The following LCORL variants were observed in gnomAD, a reference collection of about 807,000 sequenced individuals.
LCORL encodes the protein ligand dependent nuclear receptor corepressor like, also known as ligand-dependent nuclear receptor corepressor-like protein.
A neutral mutation model predicts 141.8 loss-of-function variants in LCORL; 41 were observed. The observed-to-expected ratio is 0.29, with a 90% CI of 0.23 to 0.38. The LOEUF is 0.38. Among genes scored for constraint, LCORL ranks in the 10% least tolerant of loss-of-function variants. The pLI is 1.00. For synonymous variants in LCORL, 618 were observed against 694.1 expected (o/e 0.89, Z 1.72); for missense variants, 1,759 against 2,035.0 (o/e 0.86, Z 2.61).
chr4:17,971,294 G>A (rs953592969), intron 2 of LCORL, among the ~76,000 whole-genome samples: 5 of 151,814 alleles, frequency 3.3e-5, no homozygotes, highest in Admixed American at 6.6e-5. Context: ...TACAAAAATA[G>A]AATGAGTCAA....
intron 7 of LCORL, among the ~76,000 whole-genome samples, chr4:17,849,195 C>A (rs2109093979): frequency 6.6e-6 from 1 of 152,336 alleles, no homozygotes; most frequent in Middle Eastern, 3.4e-3. Flanking sequence ...TCCCAGCATG[C>A]AGCTGGAGAT....
At chr4:17,994,383 G>A (rs1282848738) in intron 1 of LCORL, among the ~76,000 whole-genome samples, 1 of 152,006 alleles carries the variant, frequency 6.6e-6, no homozygotes, top group African/African-American at 2.4e-5. Flanking sequence ...ATAAAATGTG[G>A]ATACTTCAGG....
intron 1 of LCORL, among the ~76,000 whole-genome samples, chr4:18,008,447 A>G (rs1004243705): frequency 6.6e-6 from 1 of 152,220 alleles, no homozygotes; most frequent in Non-Finnish European, 1.5e-5. Flanking sequence ...CAGCACTACT[A>G]AAGTTTTAGA....
chr4:17,988,730 TA>T (rs1719459605), intron 1 of LCORL, among the ~76,000 whole-genome samples: 1 of 152,240 alleles, frequency 6.6e-6, no homozygotes, highest in Admixed American at 6.5e-5. Context: ...CTCACGCCTG[TA>T]ATCCCAGCAC....
At chr4:17,977,498 T>A (rs937593677) in intron 1 of LCORL, among the ~76,000 whole-genome samples, 1 of 152,194 alleles carries the variant, frequency 6.6e-6, no homozygotes, top group African/African-American at 2.4e-5. Context: ...TGTCTTCATG[T>A]CTCCACGTGG....
At chr4:17,880,611 CTT>C (rs1301971906) in intron 6 of LCORL, 37 of 981,094 alleles carry the variant, frequency 3.8e-5, no homozygotes, top group Non-Finnish European at 4.4e-5. Context: ...TTTTTCTTTT[CTT>C]TTCTTTTTTT....
intron 2 of LCORL, among the ~76,000 whole-genome samples, chr4:17,966,226 G>GA (rs1179250285): frequency 5.3e-5 from 8 of 151,784 alleles, no homozygotes; most frequent in South Asian, 2.1e-4. Context: ...GTTCATTGGG[G>GA]AAAAAAATCA....
chr4:17,936,927 C>A (rs762436619), intron 4 of LCORL, among the ~76,000 whole-genome samples: 1 of 152,106 alleles, frequency 6.6e-6, no homozygotes, highest in East Asian at 1.9e-4. Flanking sequence ...TAAAGTTGAA[C>A]AAATATGTAA....
At chr4:17,999,001 T>A (rs1327975770) in intron 1 of LCORL, among the ~76,000 whole-genome samples, 49 of 62,976 alleles carry the variant, frequency 7.8e-4, no homozygotes, top group African/African-American at 2.7e-3. Flanking sequence ...TATATATATA[T>A]ATACACACAT....
intron 4 of LCORL, among the ~76,000 whole-genome samples, chr4:17,931,115 C>A (rs1735966745): frequency 6.6e-6 from 1 of 152,028 alleles, no homozygotes; most frequent in South Asian, 2.1e-4. Context: ...AAAATCTTAT[C>A]ATTTTTAAAA....
chr4:17,917,316 C>A, intron 4 of LCORL, among the ~76,000 whole-genome samples: 1 of 152,112 alleles, frequency 6.6e-6, no homozygotes, highest in East Asian at 1.9e-4. Flanking sequence ...CCTCAGCCTC[C>A]CCAATAGCTG....
chr4:17,977,211 T>G (rs1179766292), intron 1 of LCORL, among the ~76,000 whole-genome samples: 1 of 152,190 alleles, frequency 6.6e-6, no homozygotes, highest in African/African-American at 2.4e-5. Flanking sequence ...TTTTAATCTA[T>G]TCAGAAGTTG....
chr4:17,884,232 A>G lies in LCORL; in HGVS notation c.776+1836T>C, dbSNP rs1355924522. ...TTGGAAACTTGATACATAACATCCA[A>G]CAGACCAGAACCATCAGGTTGTGAT... On this transcript the variant is annotated intron_variant, in intron 6 of 7. Coordinates refer to ENST00000635767, the Ensembl canonical transcript of LCORL. The surrounding 1 kb of genome is among the most constrained non-coding windows in gnomAD (Gnocchi z 4.4). 11 of 1,550,504 alleles carry G rather than the reference A, an allele frequency of 7.1e-6. No individual in the cohort carries two copies. Among genetic ancestry groups the G allele is most frequent in the African/African-American group, 1.4e-5 (1 of 72,912 alleles).
intron 4 of LCORL, among the ~76,000 whole-genome samples, chr4:17,947,596 G>T (rs1046512790): frequency 8.6e-5 from 13 of 151,898 alleles, no homozygotes; most frequent in African/African-American, 3.1e-4. Context: ...TTGAAGTGAT[G>T]GATGTATGAA....
Position 18,021,831 on chromosome 4 carries a change from C to A in LCORL, c.-80G>T. 2 of 1,391,930 alleles carry A rather than the reference C, an allele frequency of 1.4e-6. No homozygotes were observed. The highest frequency in any genetic ancestry group is 1.6e-5 in the South Asian group (1 of 63,054). 86.2% of individuals were successfully genotyped at this position (1,391,930 alleles called of 1,614,324 possible). Reference sequence around the variant, plus strand: ...AGGGGCGCGAGCCCTCGGCGCGAGCCCCGGAGCGCGCGCCCCCCGGAGGGG... The same window carrying A: ...AGGGGCGCGAGCCCTCGGCGCGAGCACCGGAGCGCGCGCCCCCCGGAGGGG... On this transcript the variant is annotated 5_prime_UTR_variant, in exon 1 of 8. Transcript: ENST00000635767. This position sits in a 1 kb window ranked among gnomAD's most constrained non-coding sequence, Gnocchi z 5.5.
At chr4:18,012,351 A>G (rs1723936959) in intron 1 of LCORL, among the ~76,000 whole-genome samples, 2 of 152,310 alleles carry the variant, frequency 1.3e-5, no homozygotes, top group African/African-American at 2.4e-5. Flanking sequence ...TGATAGGCTG[A>G]TAAGTTCAAT....
At position 17,980,482 on chromosome 4, in the gene LCORL, C is replaced by A. The variant is rs1717777935; in HGVS notation, c.155-7597G>T. ...CAGGCTATTGCCCTAGAATTGTGAT[C>A]CTCTTGTTTAAACAGCCATGAAAAC... On this transcript the variant is annotated intron_variant, in intron 1 of 7. Coordinates refer to ENST00000635767, the Ensembl canonical transcript of LCORL. Among the ~76,000 whole-genome samples the A allele has an allele frequency of 2.0e-5, 3 of 152,172 alleles. No homozygotes were observed. The South Asian group carries it at 6.2e-4, about 31-fold the overall frequency.
At chr4:17,880,468 A>G in intron 6 of LCORL, 2 of 938,880 alleles carry the variant, frequency 2.1e-6, no homozygotes, top group Non-Finnish European at 2.5e-6. Flanking sequence ...CATACTGCCT[A>G]TTTTTAGTAT....
intron 7 of LCORL, among the ~76,000 whole-genome samples, chr4:17,871,267 A>G (rs1276306923): frequency 6.6e-6 from 1 of 151,990 alleles, no homozygotes; most frequent in East Asian, 1.9e-4. Flanking sequence ...GTTAAAAAAT[A>G]AAGAAGGAAA....
Sources: allele counts gnomAD v4.1 joint callset (sites outside exome capture counted in the v4.1 genomes callset), GRCh38; gene constraint gnomAD v4.1.1; non-coding constraint Gnocchi (gnomAD v3.1); transcripts MANE v1.5; gene names NCBI Gene and HGNC (gene_info 2026-07-23, HGNC 2026-07-21).